FOXP2: variants seen among roughly 807,000 people sequenced by gnomAD.
FOXP2 encodes the protein forkhead box P2.
FOXP2 carries 12 observed loss-of-function variants against 115.8 expected under a neutral mutation model. That is an observed-to-expected ratio of 0.10 (90% CI 0.07 to 0.17). The LOEUF is 0.17. Among genes scored for constraint, FOXP2 ranks in the 10% least tolerant of loss-of-function variants. The pLI is 1.00. For missense variants in FOXP2, 629 were observed against 843.5 expected (o/e 0.75, Z 3.15); for synonymous variants, 328 against 297.7 (o/e 1.10, Z -1.05).
chr7:114,641,114 G>C (rs907701198), intron 6 of FOXP2, among the ~76,000 whole-genome samples: 1 of 152,072 alleles, frequency 6.6e-6, no homozygotes, highest in African/African-American at 2.4e-5. Flanking sequence ...ACTTTACCAC[G>C]TAGAAGCTGT....
At chr7:114,521,598 C>G (rs1409291630) in intron 2 of FOXP2, among the ~76,000 whole-genome samples, 1 of 136,396 alleles carries the variant, frequency 7.3e-6, no homozygotes, top group Non-Finnish European at 1.6e-5. Context: ...TATACTTAAA[C>G]AATCTGCCTA....
At chr7:114,544,985 A>G (rs546111404) in intron 3 of FOXP2, among the ~76,000 whole-genome samples, 5 of 152,200 alleles carry the variant, frequency 3.3e-5, no homozygotes, top group Non-Finnish European at 7.3e-5. Context: ...AAAAATGGAG[A>G]TCTTGGGTCT....
intron 2 of FOXP2, among the ~76,000 whole-genome samples, chr7:114,500,086 G>A (rs1028907253): frequency 6.6e-6 from 1 of 151,796 alleles, no homozygotes; most frequent in Non-Finnish European, 1.5e-5. Flanking sequence ...TTGGTGGCGG[G>A]CGCCTTGTAG....
At chr7:114,402,271 A>G (rs1346822769) in intron 2 of FOXP2, among the ~76,000 whole-genome samples, 1 of 152,228 alleles carries the variant, frequency 6.6e-6, no homozygotes, top group East Asian at 1.9e-4. Context: ...GGACATTAAT[A>G]CATGTATTCC....
intron 2 of FOXP2, among the ~76,000 whole-genome samples, chr7:114,346,451 A>T (rs527364776): frequency 2.5e-4 from 38 of 151,988 alleles, no homozygotes; most frequent in Non-Finnish European, 5.3e-4. Flanking sequence ...TGGAAATAGA[A>T]TCATTATGTC....
intron 2 of FOXP2, among the ~76,000 whole-genome samples, chr7:114,373,233 G>A (rs1052003763): frequency 6.6e-6 from 1 of 152,120 alleles, no homozygotes; most frequent in Non-Finnish European, 1.5e-5. Flanking sequence ...TGTTAGCCAG[G>A]ATGGTCTCGA....
At chr7:114,429,615 C>T (rs1374910632) in intron 2 of FOXP2, among the ~76,000 whole-genome samples, 1 of 151,424 alleles carries the variant, frequency 6.6e-6, no homozygotes, top group Admixed American at 6.6e-5. Context: ...GTTGCTAAAA[C>T]TTGATTGCTT....
chr7:114,600,935 G>A (rs762701816), intron 3 of FOXP2, among the ~76,000 whole-genome samples: 9 of 150,020 alleles, frequency 6.0e-5, no homozygotes, highest in Non-Finnish European at 1.2e-4. Flanking sequence ...TTTTCTCCCA[G>A]TCTTGGCTTG....
At chr7:114,503,128 C>T (rs1241351163) in intron 2 of FOXP2, among the ~76,000 whole-genome samples, 1 of 151,918 alleles carries the variant, frequency 6.6e-6, no homozygotes, top group African/African-American at 2.4e-5. Context: ...TTAGTTTATT[C>T]TTTCTGTGAA....
intron 2 of FOXP2, among the ~76,000 whole-genome samples, chr7:114,527,952 C>A (rs1160859273): frequency 1.3e-5 from 2 of 152,066 alleles, no homozygotes; most frequent in Non-Finnish European, 2.9e-5. Context: ...TGTCTTGTCT[C>A]ACTCTCTTCA....
At chr7:114,229,975 C>A (rs978277207) in intron 1 of FOXP2, among the ~76,000 whole-genome samples, 1 of 151,386 alleles carries the variant, frequency 6.6e-6, no homozygotes, top group African/African-American at 2.4e-5. Flanking sequence ...AAAAGATTAA[C>A]CAAATAGACA....
intron 1 of FOXP2, among the ~76,000 whole-genome samples, chr7:114,192,171 G>GGCATGCACCACC (rs1554429076): frequency 1.4e-4 from 22 of 152,092 alleles, no homozygotes; most frequent in Admixed American, 2.6e-4. Context: ...ATTTGTAGTA[G>GGCATGCACCACC]AGACGGGGTT....
intron 2 of FOXP2, among the ~76,000 whole-genome samples, chr7:114,526,292 C>T (rs754245940): frequency 2.0e-5 from 3 of 149,522 alleles, no homozygotes; most frequent in Admixed American, 6.7e-5. Flanking sequence ...GCCTGGCCAA[C>T]GTGGCGAAAC....
intron 1 of FOXP2, among the ~76,000 whole-genome samples, chr7:114,275,612 C>T (rs1010477596): frequency 1.4e-4 from 22 of 152,274 alleles, no homozygotes; most frequent in Middle Eastern, 3.4e-3. Flanking sequence ...TCCATTAGAG[C>T]GCTTAGCACA....
chr7:114,645,577 G>A (rs1805841588), intron 8 of FOXP2: 1 of 152,096 alleles, frequency 6.6e-6, no homozygotes, highest in Admixed American at 6.6e-5. Context: ...TAGGCTTATG[G>A]AGATGAGTAA....
intron 1 of FOXP2, among the ~76,000 whole-genome samples, chr7:114,173,575 A>C (rs1386128376): frequency 6.6e-6 from 1 of 152,056 alleles, no homozygotes; most frequent in African/African-American, 2.4e-5. Flanking sequence ...ACAAATGTCT[A>C]GGGAAAATGC....
intron 1 of FOXP2, among the ~76,000 whole-genome samples, chr7:114,209,473 C>T (rs1794289387): frequency 6.6e-6 from 1 of 152,166 alleles, no homozygotes; most frequent in Admixed American, 6.6e-5. Flanking sequence ...TGAATATTGG[C>T]CCCTAATGTC....
chr7:114,324,373 C>T (rs894131213), intron 2 of FOXP2, among the ~76,000 whole-genome samples: 2 of 151,858 alleles, frequency 1.3e-5, no homozygotes, highest in African/African-American at 4.8e-5. Flanking sequence ...TGACAGTTCC[C>T]TTTGAGCTAG....
intron 3 of FOXP2, among the ~76,000 whole-genome samples, chr7:114,594,063 G>T (rs768751500): frequency 6.6e-6 from 1 of 151,782 alleles, no homozygotes; most frequent in Non-Finnish European, 1.5e-5. Flanking sequence ...GTATAAATAT[G>T]CATACATTTC....
Sources: allele counts gnomAD v4.1 joint callset (sites outside exome capture counted in the v4.1 genomes callset), GRCh38; gene constraint gnomAD v4.1.1; transcripts MANE v1.5; gene names NCBI Gene and HGNC (gene_info 2026-07-23, HGNC 2026-07-21).